Variants in ARHGAP32 observed in about 807,000 individuals in gnomAD.
The protein encoded by ARHGAP32 is rho GTPase-activating protein 32.
Under a neutral mutation model 186.5 loss-of-function variants are expected in ARHGAP32, and 51 were observed. That is an observed-to-expected ratio of 0.27 (90% CI 0.22 to 0.35). ARHGAP32 has a LOEUF of 0.35. Among genes scored for constraint, ARHGAP32 ranks in the 10% least tolerant of loss-of-function variants. The pLI is 1.00. For synonymous variants in ARHGAP32, 950 were observed against 964.3 expected (o/e 0.99, Z 0.27); for missense variants, 2,186 against 2,623.5 (o/e 0.83, Z 3.64).
chr11:129,020,567 T>C (rs1458151607), intron 11 of ARHGAP32, among the ~76,000 whole-genome samples: 1 of 152,068 alleles, frequency 6.6e-6, no homozygotes, highest in Non-Finnish European at 1.5e-5. Context: ...AAAAATTATT[T>C]TTTGACATAG....
intron 11 of ARHGAP32, among the ~76,000 whole-genome samples, chr11:129,009,758 CTG>C (rs1937977887): frequency 6.6e-6 from 1 of 152,000 alleles, no homozygotes; most frequent in African/African-American, 2.4e-5. Flanking sequence ...TGGGTTGATT[CTG>C]TGTCTTTGCT....
At chr11:129,003,974 T>A (rs1937634145) in intron 11 of ARHGAP32, among the ~76,000 whole-genome samples, 1 of 152,022 alleles carries the variant, frequency 6.6e-6, no homozygotes, top group Non-Finnish European at 1.5e-5. Flanking sequence ...TAGGGTGTTT[T>A]TCTTGTTTCT....
chr11:129,221,098 A>G (rs192557567), intron 1 of ARHGAP32, among the ~76,000 whole-genome samples: 1 of 152,272 alleles, frequency 6.6e-6, no homozygotes, highest in Admixed American at 6.5e-5. Context: ...ACAGAAAAAA[A>G]TGAAAGAAAT....
intron 15 of ARHGAP32, among the ~76,000 whole-genome samples, chr11:128,982,803 T>C (rs1423276590): frequency 6.7e-6 from 1 of 149,124 alleles, no homozygotes; most frequent in Admixed American, 6.7e-5. Context: ...GGCAGGAGGA[T>C]TGCTTCAGCC....
intron 1 of ARHGAP32, among the ~76,000 whole-genome samples, chr11:129,262,648 T>C (rs1038376724): frequency 1.3e-4 from 20 of 152,062 alleles, no homozygotes; most frequent in African/African-American, 4.6e-4. Flanking sequence ...CTGCCTGCCT[T>C]GGCCTCCCAA....
chr11:129,239,542 T>C (rs1373544184), intron 1 of ARHGAP32, among the ~76,000 whole-genome samples: 1 of 152,006 alleles, frequency 6.6e-6, no homozygotes, highest in African/African-American at 2.4e-5. Context: ...AGAATAACCC[T>C]CCTAAAATAG....
chr11:128,974,028 G>A, intron 21 of ARHGAP32, 96 bp downstream of exon 21: 2 of 1,405,682 alleles, frequency 1.4e-6, no homozygotes, highest in Non-Finnish European at 1.9e-6. Context: ...TTAAAGGCTA[G>A]CTGTGGACAA....
rs369790310 is a variant in ARHGAP32, at chr11:128,985,831, C to CGTGT, written c.1526+168_1526+171dup. 3.3e-3 allele frequency: 380 copies of CGTGT among 115,574 alleles called. 1 individual carries two copies. Among genetic ancestry groups the CGTGT allele is most frequent in the African/African-American group, 9.2e-3 (249 of 27,026 alleles). 7.2% of individuals were successfully genotyped at this position (115,574 alleles called of 1,614,324 possible). A position where few individuals can be genotyped will look rare whatever the true frequency, so the allele number is the denominator to read the frequency against. On this transcript the variant is annotated intron_variant, in intron 15 of 22. Transcript: ENST00000682385. Reference sequence around the variant, plus strand: ...CATACATATAGTGTGTGTGTGTGTGCGTGTGTGTGTGTGTGTGTGTGTGTG... The same window carrying CGTGT: ...CATACATATAGTGTGTGTGTGTGTGCGTGTGTGTGTGTGTGTGTGTGTGTGTGTG...
intron 1 of ARHGAP32, among the ~76,000 whole-genome samples, chr11:129,229,181 T>C (rs1944825340): frequency 6.6e-6 from 1 of 152,188 alleles, no homozygotes; most frequent in Non-Finnish European, 1.5e-5. Context: ...CTTTTAATTA[T>C]ACTATTCTTT....
At chr11:129,003,043 G>A (rs1381517152) in intron 11 of ARHGAP32, among the ~76,000 whole-genome samples, 3 of 152,088 alleles carry the variant, frequency 2.0e-5, no homozygotes, top group Non-Finnish European at 4.4e-5. Flanking sequence ...TGATCTGCCC[G>A]CCTCGGCCTC....
intron 1 of ARHGAP32, among the ~76,000 whole-genome samples, chr11:129,263,956 T>C (rs970757888): frequency 1.8e-4 from 27 of 152,330 alleles, no homozygotes; most frequent in African/African-American, 6.5e-4. Flanking sequence ...ATAGCAGCAC[T>C]ATTCAAAATA....
chr11:129,080,009 C>T (rs1003209433), intron 6 of ARHGAP32, among the ~76,000 whole-genome samples: 14 of 151,956 alleles, frequency 9.2e-5, no homozygotes, highest in African/African-American at 2.4e-4. Flanking sequence ...AGACAAAGAG[C>T]GACATTATAT....
At chr11:129,202,162 T>C (rs1472538157) in intron 1 of ARHGAP32, among the ~76,000 whole-genome samples, 1 of 152,066 alleles carries the variant, frequency 6.6e-6, no homozygotes, top group Non-Finnish European at 1.5e-5. Context: ...TTTGGAAAAC[T>C]AAATAACAAA....
intron 21 of ARHGAP32, 127 bp downstream of exon 21, chr11:128,973,997 C>A: frequency 5.1e-6 from 6 of 1,187,902 alleles, no homozygotes; most frequent in Non-Finnish European, 5.9e-6. Context: ...TCAGCACCAC[C>A]CAGAAAAGCA....
In ARHGAP32 at chr11:128,974,497, C is replaced by T; in HGVS notation, c.2700G>A (p.Lys900=). The T allele has an allele frequency of 6.2e-7, 1 of 1,614,136 alleles. No individual in the cohort carries two copies. The change falls in exon 21 of 23, where the codon AAG becomes AAA. Residue 900 remains lysine (K), a synonymous_variant. Transcript: ENST00000682385. ...KSSKPSSFTE[K]VVYAFSPKIG... ...TCTTCGGAGAGAAAGCATAGACGAC[C>T]TTTTCAGTAAAGGAGGATGGCTTAG...
At chr11:129,159,461 G>T (rs1943482762) in intron 2 of ARHGAP32, among the ~76,000 whole-genome samples, 1 of 152,014 alleles carries the variant, frequency 6.6e-6, no homozygotes, top group African/African-American at 2.4e-5. Flanking sequence ...AGAAGAAATG[G>T]ATAAATTCCT....
At position 129,152,248 on chromosome 11, in the gene ARHGAP32, A is replaced by G. The variant is rs185036203; in HGVS notation, c.225+12071T>C. On this transcript the variant is annotated intron_variant, in intron 2 of 22. Coordinates refer to ENST00000682385, the MANE Select transcript of ARHGAP32 (RefSeq NM_001378024.1). Reference sequence around the variant, plus strand: ...GTGAGATTCAAACAGTAATTTTTAAAATGCCAACAAAAGAAGTACAGGACC... The same window carrying G: ...GTGAGATTCAAACAGTAATTTTTAAGATGCCAACAAAAGAAGTACAGGACC... Among the ~76,000 whole-genome samples, 225 of 152,176 alleles carry G rather than the reference A, an allele frequency of 1.5e-3. 1 individual carries two copies. The highest frequency in any genetic ancestry group is 5.0e-3 in the African/African-American group (208 of 41,558).
At chr11:128,996,452 T>A (rs928167260) in intron 12 of ARHGAP32, among the ~76,000 whole-genome samples, 2 of 152,162 alleles carry the variant, frequency 1.3e-5, no homozygotes, top group Admixed American at 6.5e-5. Context: ...TATATTTAAG[T>A]CATCTCTTCA....
At chr11:129,159,401 A>G (rs1470371800) in intron 2 of ARHGAP32, among the ~76,000 whole-genome samples, 2 of 152,194 alleles carry the variant, frequency 1.3e-5, no homozygotes, top group Non-Finnish European at 2.9e-5. Flanking sequence ...AATACAAACT[A>G]CAATCAGAGA....
Sources: allele counts gnomAD v4.1 joint callset (sites outside exome capture counted in the v4.1 genomes callset), GRCh38; gene constraint gnomAD v4.1.1; transcripts MANE v1.5; gene names NCBI Gene and HGNC (gene_info 2026-07-23, HGNC 2026-07-21).